Variants in DMTN observed in about 807,000 individuals in gnomAD.
DMTN encodes the protein dematin.
A neutral mutation model predicts 59.4 loss-of-function variants in DMTN; 27 were observed. The ratio of observed to expected loss-of-function variants is 0.45; its 90% confidence interval spans 0.33 to 0.63. The LOEUF is 0.63. Among genes scored for constraint, DMTN ranks in the 20% least tolerant of loss-of-function variants. The probability of loss-of-function intolerance (pLI) is 0.02; values close to 1 mark genes in which losing one functional copy is unlikely to be tolerated. For synonymous variants in DMTN, 221 were observed against 203.7 expected (o/e 1.08, Z -0.72); for missense variants, 451 against 528.9 (o/e 0.85, Z 1.45).
At chr8:22,078,161 T>C (rs1282740614) in intron 10 of DMTN, among the ~76,000 whole-genome samples, 1 of 151,590 alleles carries the variant, frequency 6.6e-6, no homozygotes. Flanking sequence ...AGTCAGGAGC[T>C]CAAGACCAGC....
At chr8:22,074,481 C>G (rs1408764465) in intron 10 of DMTN, among the ~76,000 whole-genome samples, 2 of 152,174 alleles carry the variant, frequency 1.3e-5, no homozygotes, top group Non-Finnish European at 2.9e-5. Context: ...CACAATGTTG[C>G]CCAGACTGGG....
chr8:22,079,277 A>ATATATATATATATATAT (rs1238511445), intron 10 of DMTN, among the ~76,000 whole-genome samples: 107 of 27,608 alleles, frequency 3.9e-3, no homozygotes, highest in Middle Eastern at 0.031. Flanking sequence ...TAAATAAATA[A>ATATATATATATATATAT]ATATATATAT....
chr8:22,066,007 A>AT (rs1810357650), intron 1 of DMTN, among the ~76,000 whole-genome samples: 1 of 151,742 alleles, frequency 6.6e-6, no homozygotes, highest in Non-Finnish European at 1.5e-5. Context: ...CGCCTGGCTA[A>AT]TTTTTAAAAT....
intron 6 of DMTN, 70 bp from the exon 7 acceptor site, chr8:22,069,811 C>A: frequency 6.4e-7 from 1 of 1,554,002 alleles, no homozygotes; most frequent in South Asian, 1.1e-5. Context: ...GTTCCATCAT[C>A]TCCATTCTCC....
chr8:22,077,171 G>A (rs1188685561), intron 10 of DMTN, among the ~76,000 whole-genome samples: 2 of 152,068 alleles, frequency 1.3e-5, no homozygotes, highest in East Asian at 3.9e-4. Flanking sequence ...CCCAGCCACA[G>A]AGCCGAAACT....
chr8:22,072,631 A>ATTT (rs61068593), intron 9 of DMTN, among the ~76,000 whole-genome samples, 181 bp downstream of exon 9: 15,034 of 130,656 alleles, frequency 0.12, 1,063 homozygotes, highest in Middle Eastern at 0.15. Flanking sequence ...CGCCCAGCTA[A>ATTT]TTTTTTTTTT....
At chr8:22,059,626 G>T (rs1463998882) in intron 1 of DMTN, 1 of 152,188 alleles carries the variant, frequency 6.6e-6, no homozygotes, top group Admixed American at 6.5e-5. Context: ...CTATTTGGGG[G>T]GCCTTCGGCA....
rs2130879146 is a variant in DMTN at position 22,066,750 on chromosome 8, A to G, written c.-126A>G. The G allele has an allele frequency of 9.2e-7, 1 of 1,092,416 alleles. No homozygotes were observed. Among genetic ancestry groups the G allele is most frequent in the Non-Finnish European group, 1.2e-6 (1 of 834,546 alleles). 67.7% of individuals were successfully genotyped at this position (1,092,416 alleles called of 1,614,324 possible). A position where few individuals can be genotyped will look rare whatever the true frequency, so the allele number is the denominator to read the frequency against. Reference sequence around the variant, plus strand: ...GGATGAGGACGCGCCAGCCCGGGGGAACGCGCCAGCTGCTTTCGCGGCCCC... The same window carrying G: ...GGATGAGGACGCGCCAGCCCGGGGGGACGCGCCAGCTGCTTTCGCGGCCCC... On this transcript the variant is annotated 5_prime_UTR_variant, in exon 2 of 16. Coordinates refer to ENST00000358242, the MANE Select transcript of DMTN (RefSeq NM_001387751.1).
rs1041186510 is a variant in DMTN at position 22,066,573 on chromosome 8, C to T, written c.-171-132C>T. On this transcript the variant is annotated intron_variant, in intron 1 of 15. Transcript: ENST00000358242. Reference sequence around the variant, plus strand: ...GTCCTTCGGTCGCCTCCCGTCCACGCGCGCGTTCTCCGGGGCTGAGCGGAT... The same window carrying T: ...GTCCTTCGGTCGCCTCCCGTCCACGTGCGCGTTCTCCGGGGCTGAGCGGAT... 1.0e-3 allele frequency: 290 copies of T among 286,658 alleles called. 1 individual carries two copies. The highest frequency in any genetic ancestry group is 1.5e-3 in the Non-Finnish European group (227 of 154,666). 17.8% of individuals were successfully genotyped at this position (286,658 alleles called of 1,614,324 possible).
chr8:22,060,483 C>T lies in DMTN; in HGVS notation c.-172+3347C>T, dbSNP rs899430511. On this transcript the variant is annotated intron_variant, in intron 1 of 15. Coordinates refer to ENST00000358242, the MANE Select transcript of DMTN (RefSeq NM_001387751.1). This position sits in a 1 kb window ranked among gnomAD's most constrained non-coding sequence, Gnocchi z 5.0. ...CACATATACACACACTCTTCTCCAC[C>T]CCCATTTTCCCGGCTGGCCTTCTGA... Among the ~76,000 whole-genome samples, 2 of 152,166 alleles carry T rather than the reference C, an allele frequency of 1.3e-5. No individual in the cohort carries two copies. Among genetic ancestry groups the T allele is most frequent in the Admixed American group, 6.5e-5 (1 of 15,286 alleles).
At chr8:22,067,706 G>A (rs1338940525) in intron 4 of DMTN, 24 bp downstream of exon 4, 1 of 1,609,096 alleles carries the variant, frequency 6.2e-7, no homozygotes, top group Non-Finnish European at 8.5e-7. Context: ...TCTTGGGCAG[G>A]ACTCCGGGGG....
chr8:22,052,880 G>A (rs762815182), upstream of DMTN, among the ~76,000 whole-genome samples: 6 of 152,060 alleles, frequency 3.9e-5, no homozygotes, highest in Admixed American at 2.6e-4. Context: ...GGCCATTCAC[G>A]GTCTCACAGC....
At chr8:22,075,516 A>ATTTTTT (rs386412281) in intron 10 of DMTN, among the ~76,000 whole-genome samples, 2,636 of 87,690 alleles carry the variant, frequency 0.03, 259 homozygotes, top group African/African-American at 0.087. Flanking sequence ...GCCCAGCTAA[A>ATTTTTT]TTTTTTTTTT....
chr8:22,080,545 G>T, intron 12 of DMTN, 73 bp from the exon 13 acceptor site: 1 of 1,613,860 alleles, frequency 6.2e-7, no homozygotes, highest in Admixed American at 1.7e-5. Flanking sequence ...GTGGGCAGGG[G>T]TCTGGTGAGG....
At position 22,082,509 on chromosome 8, in the gene DMTN, G is replaced by A. The variant is rs1824778974; in HGVS notation, c.*1046G>A. 1 of 294,752 alleles carries A rather than the reference G, an allele frequency of 3.4e-6. No homozygotes were observed. The highest frequency in any genetic ancestry group is 4.4e-5 in the Admixed American group (1 of 22,726). 18.3% of individuals were successfully genotyped at this position (294,752 alleles called of 1,614,324 possible). A position where few individuals can be genotyped will look rare whatever the true frequency, so the allele number is the denominator to read the frequency against. ...GGGGGACTCTGCTTGGAATTAAAAG[G>A]TTGCATTGGGTCCCTACATCTGTCT... is the stretch of plus-strand genomic sequence containing the variant. On this transcript the variant is annotated 3_prime_UTR_variant, in exon 16 of 16. Transcript: ENST00000358242.
chr8:22,079,464 T>TA (rs1189347805), intron 10 of DMTN, among the ~76,000 whole-genome samples: 1 of 150,800 alleles, frequency 6.6e-6, no homozygotes, highest in Non-Finnish European at 1.5e-5. Context: ...AATAAATAAA[T>TA]AAACAAACAA....
intron 10 of DMTN, among the ~76,000 whole-genome samples, chr8:22,079,073 C>T (rs1469946686): frequency 6.6e-6 from 1 of 150,998 alleles, no homozygotes; most frequent in African/African-American, 2.4e-5. Flanking sequence ...GCTGGGATCA[C>T]AGGTGTGAGC....
intron 5 of DMTN, 48 bp from the exon 6 acceptor site, chr8:22,069,371 G>T (rs1320893939): frequency 2.0e-6 from 3 of 1,519,144 alleles, no homozygotes; most frequent in Non-Finnish European, 2.7e-6. Flanking sequence ...TGCATGTGTG[G>T]GTTGGAGGGG....
intron 14 of DMTN, 21 bp from the exon 15 acceptor site, chr8:22,081,092 T>TGGGGGGGGGGGGGGGGGCGGGGGGGGGGG: frequency 6.5e-7 from 1 of 1,547,316 alleles, no homozygotes; most frequent in Non-Finnish European, 8.9e-7. Context: ...AGCCTAAGAT[T>TGGGGGGGGGGGGGGGGGCGGGGGGGGGGG]GCCCCTCCCC....
Sources: gnomAD v4.1 joint callset for allele counts (sites outside exome capture counted in the v4.1 genomes callset) on GRCh38, gnomAD v4.1.1 for gene constraint, Gnocchi (gnomAD v3.1) non-coding constraint, MANE v1.5 for transcripts, NCBI Gene and HGNC (gene_info 2026-07-23, HGNC 2026-07-21) for gene names.